Variants in NALF1 observed in about 807,000 individuals in gnomAD.
The protein encoded by NALF1 is NALCN channel auxiliary factor 1, also known as family with sequence similarity 155 member A.
NALF1 carries 3 observed loss-of-function variants against 48.4 expected under a neutral mutation model. That is an observed-to-expected ratio of 0.06 (90% CI 0.03 to 0.16). The LOEUF is 0.16. Ranked by LOEUF, NALF1 falls within the 10% of genes least tolerant of loss-of-function variation. The probability of loss-of-function intolerance (pLI) is 1.00; values close to 1 mark genes in which losing one functional copy is unlikely to be tolerated. For synonymous variants in NALF1, 262 were observed against 245.7 expected (o/e 1.07, Z -0.62); for missense variants, 526 against 571.5 (o/e 0.92, Z 0.81).
intron 1 of NALF1, among the ~76,000 whole-genome samples, chr13:107,253,476 G>T (rs1320281002): frequency 3.9e-5 from 6 of 152,140 alleles, no homozygotes; most frequent in African/African-American, 1.2e-4. Context: ...GCTCCCTCTA[G>T]TGAGTGCCTA....
chr13:107,209,794 G>A (rs1469577204), intron 2 of NALF1, among the ~76,000 whole-genome samples: 1 of 151,968 alleles, frequency 6.6e-6, no homozygotes, highest in Non-Finnish European at 1.5e-5. Flanking sequence ...GTAATTCCAG[G>A]GACGCCTTAT....
intron 1 of NALF1, among the ~76,000 whole-genome samples, chr13:107,622,320 C>A (rs148977067): frequency 1.6e-4 from 24 of 151,880 alleles, no homozygotes; most frequent in African/African-American, 4.6e-4. Context: ...TGTCTGTAAT[C>A]CCAGCTACTC....
chr13:107,337,904 G>T (rs1594126427), intron 1 of NALF1, among the ~76,000 whole-genome samples: 1 of 152,014 alleles, frequency 6.6e-6, no homozygotes, highest in East Asian at 1.9e-4. Context: ...AAAGTAAAAA[G>T]AAATATACAT....
At chr13:107,733,394 C>G (rs1194699034) in intron 1 of NALF1, among the ~76,000 whole-genome samples, 1 of 152,158 alleles carries the variant, frequency 6.6e-6, no homozygotes, top group African/African-American at 2.4e-5. Flanking sequence ...ATTGTGAGGG[C>G]CCCTGTGTAT....
At chr13:107,586,692 G>A (rs1296196359) in intron 1 of NALF1, among the ~76,000 whole-genome samples, 6 of 127,330 alleles carry the variant, frequency 4.7e-5, no homozygotes, top group Non-Finnish European at 1.6e-5. Context: ...AAACCAAATA[G>A]ACAAATGTAA....
At chr13:107,191,833 A>ATTTTTTTTTT (rs66566638) in intron 2 of NALF1, among the ~76,000 whole-genome samples, 637 of 111,904 alleles carry the variant, frequency 5.7e-3, no homozygotes, top group Non-Finnish European at 7.6e-3. Flanking sequence ...CACTATGCCT[A>ATTTTTTTTTT]TTTTTTTTTT....
chr13:107,495,930 G>A (rs548553227), intron 1 of NALF1, among the ~76,000 whole-genome samples: 1 of 152,226 alleles, frequency 6.6e-6, no homozygotes, highest in East Asian at 1.9e-4. Flanking sequence ...GAGGCAAGGA[G>A]ACTTGAGAGG....
chr13:107,789,464 T>C lies in NALF1; in HGVS notation c.915+76218A>G, dbSNP rs76503176. Among the ~76,000 whole-genome samples, 317 of 152,358 alleles carry C rather than the reference T, an allele frequency of 2.1e-3. 1 individual carries two copies. Among genetic ancestry groups the C allele is most frequent in the African/African-American group, 7.4e-3 (308 of 41,586 alleles). On this transcript the variant is annotated intron_variant, in intron 1 of 2. Coordinates refer to ENST00000375915, the MANE Select transcript of NALF1 (RefSeq NM_001080396.3). ...AAATCTTTATACACAGATCGTTTAT[T>C]GTTGGGAAACTATGCTTACTTCATC...
At chr13:107,725,116 A>G (rs1876110720) in intron 1 of NALF1, among the ~76,000 whole-genome samples, 1 of 152,240 alleles carries the variant, frequency 6.6e-6, no homozygotes, top group Non-Finnish European at 1.5e-5. Context: ...AACTTTTTAA[A>G]TAAACATTTC....
chr13:107,426,673 G>C (rs527251481), intron 1 of NALF1, among the ~76,000 whole-genome samples: 295 of 152,192 alleles, frequency 1.9e-3, no homozygotes, highest in South Asian at 4.4e-3. Context: ...TATATAAATA[G>C]GTCCTAGTCT....
At chr13:107,408,869 GAACC>G (rs1006065657) in intron 1 of NALF1, among the ~76,000 whole-genome samples, 1 of 152,114 alleles carries the variant, frequency 6.6e-6, no homozygotes, top group Admixed American at 6.6e-5. Context: ...ATAAAAATCA[GAACC>G]AACCTTAAAT....
chr13:107,787,896 T>C (rs1878121443), intron 1 of NALF1, among the ~76,000 whole-genome samples: 2 of 152,318 alleles, frequency 1.3e-5, no homozygotes, highest in East Asian at 1.9e-4. Flanking sequence ...GATAATTTCA[T>C]TCATTGTTAG....
intron 1 of NALF1, among the ~76,000 whole-genome samples, chr13:107,643,443 A>G (rs1880217800): frequency 6.6e-6 from 1 of 151,914 alleles, no homozygotes; most frequent in Admixed American, 6.6e-5. Context: ...ATGGTTTCAA[A>G]GATGTGTAAG....
chr13:107,621,903 G>T (rs1879526558), intron 1 of NALF1, among the ~76,000 whole-genome samples: 1 of 152,084 alleles, frequency 6.6e-6, no homozygotes, highest in Admixed American at 6.6e-5. Flanking sequence ...TCCAAGGTTG[G>T]TTCCACCACG....
chr13:107,615,922 G>A (rs925965974), intron 1 of NALF1, among the ~76,000 whole-genome samples: 1 of 152,128 alleles, frequency 6.6e-6, no homozygotes, highest in African/African-American at 2.4e-5. Flanking sequence ...CTTATGGTAA[G>A]TTAGACATCC....
intron 1 of NALF1, among the ~76,000 whole-genome samples, chr13:107,542,737 T>C (rs899489807): frequency 2.0e-5 from 3 of 152,164 alleles, no homozygotes; most frequent in Non-Finnish European, 4.4e-5. Context: ...TTGGAATATA[T>C]GCTGATAATT....
chr13:107,396,920 T>A (rs1883723060), intron 1 of NALF1, among the ~76,000 whole-genome samples: 1 of 152,188 alleles, frequency 6.6e-6, no homozygotes, highest in South Asian at 2.1e-4. Flanking sequence ...TGTGTTTACG[T>A]GTTTATATGT....
At chr13:107,323,498 T>A (rs1219636524) in intron 1 of NALF1, among the ~76,000 whole-genome samples, 2 of 152,170 alleles carry the variant, frequency 1.3e-5, no homozygotes, top group African/African-American at 4.8e-5. Context: ...ACCTCAAATT[T>A]TTTTTCTCTA....
intron 1 of NALF1, among the ~76,000 whole-genome samples, chr13:107,487,845 G>T (rs1461223533): frequency 6.6e-6 from 1 of 151,850 alleles, no homozygotes; most frequent in Non-Finnish European, 1.5e-5. Flanking sequence ...AATAGTTTCA[G>T]TAGGAATTGT....
Sources: gnomAD v4.1 joint callset for allele counts (sites outside exome capture counted in the v4.1 genomes callset) on GRCh38, gnomAD v4.1.1 for gene constraint, MANE v1.5 for transcripts, NCBI Gene and HGNC (gene_info 2026-07-23, HGNC 2026-07-21) for gene names.